Variants in PLD5 observed in about 807,000 individuals in gnomAD.
PLD5 encodes inactive phospholipase D5.
A neutral mutation model predicts 61.1 loss-of-function variants in PLD5; 36 were observed. The ratio of observed to expected loss-of-function variants is 0.59; its 90% confidence interval spans 0.45 to 0.78. The LOEUF (loss-of-function observed/expected upper bound fraction) is 0.78, where lower values mean the gene tolerates loss of function less well. Ranked by LOEUF, PLD5 falls within the 30% of genes least tolerant of loss-of-function variation. PLD5 has a pLI of 0.00. For missense variants in PLD5, 515 were observed against 644.4 expected (o/e 0.80, Z 2.17); for synonymous variants, 243 against 242.8 (o/e 1.00, Z -0.01).
At chr1:242,444,569 C>G (rs923077854) in intron 1 of PLD5, among the ~76,000 whole-genome samples, 9 of 149,058 alleles carry the variant, frequency 6.0e-5, no homozygotes, top group African/African-American at 2.0e-4. Flanking sequence ...CTCTGATCCT[C>G]TAGATCCATC....
intron 4 of PLD5, among the ~76,000 whole-genome samples, chr1:242,232,130 C>T (rs887998546): frequency 6.6e-6 from 1 of 151,934 alleles, no homozygotes; most frequent in Non-Finnish European, 1.5e-5. Context: ...TTTTAAAGCC[C>T]ACCAATCCCT....
chr1:242,101,697 A>G (rs185473057), intron 8 of PLD5, among the ~76,000 whole-genome samples: 16 of 152,312 alleles, frequency 1.1e-4, no homozygotes, highest in Admixed American at 3.9e-4. Context: ...ATACCTAGAA[A>G]AGGAGATGTC....
chr1:242,304,227 A>C (rs1246206187), intron 2 of PLD5, among the ~76,000 whole-genome samples: 1 of 152,246 alleles, frequency 6.6e-6, no homozygotes, highest in African/African-American at 2.4e-5. Context: ...AGTGTCAACT[A>C]TGTGGCCCAG....
intron 5 of PLD5, among the ~76,000 whole-genome samples, chr1:242,134,388 T>C (rs1220481464): frequency 1.2e-5 from 1 of 81,966 alleles, no homozygotes. Context: ...GCCTTCAGTT[T>C]TTTTTTTTTT....
intron 2 of PLD5, among the ~76,000 whole-genome samples, chr1:242,293,391 C>A (rs1019855854): frequency 6.6e-6 from 1 of 152,176 alleles, no homozygotes; most frequent in Admixed American, 6.5e-5. Flanking sequence ...GAAAATATTA[C>A]ATTCAATATG....
chr1:242,253,402 C>G (rs1008724153), intron 4 of PLD5, among the ~76,000 whole-genome samples: 1 of 150,852 alleles, frequency 6.6e-6, no homozygotes, highest in Non-Finnish European at 1.5e-5. Flanking sequence ...AAGCTCTGCC[C>G]CCTGGGGTTC....
intron 4 of PLD5, among the ~76,000 whole-genome samples, chr1:242,230,628 C>T (rs537188082): frequency 3.3e-5 from 5 of 152,278 alleles, no homozygotes; most frequent in Admixed American, 1.3e-4. Context: ...GGGTGAAAAT[C>T]TTCTGTCATG....
chr1:242,161,129 A>G (rs1188474393), intron 5 of PLD5, among the ~76,000 whole-genome samples: 5 of 152,094 alleles, frequency 3.3e-5, no homozygotes, highest in Non-Finnish European at 7.3e-5. Context: ...GTCTGTTCTT[A>G]CGCTGCTAAT....
intron 1 of PLD5, among the ~76,000 whole-genome samples, chr1:242,509,214 T>A (rs1023037190): frequency 2.0e-5 from 3 of 151,654 alleles, no homozygotes; most frequent in African/African-American, 7.3e-5. Flanking sequence ...CCATCTCTAC[T>A]AAAATACAAA....
At chr1:242,460,489 A>G (rs1278446442) in intron 1 of PLD5, among the ~76,000 whole-genome samples, 1 of 152,162 alleles carries the variant, frequency 6.6e-6, no homozygotes, top group African/African-American at 2.4e-5. Flanking sequence ...ATAATTTCTT[A>G]TAGTCCCATG....
chr1:242,159,483 T>C (rs894207043), intron 5 of PLD5, among the ~76,000 whole-genome samples: 1 of 152,196 alleles, frequency 6.6e-6, no homozygotes, highest in South Asian at 2.1e-4. Context: ...GAATTTGTTA[T>C]AGAAAAATCT....
chr1:242,221,981 G>T (rs1051347223), intron 4 of PLD5, among the ~76,000 whole-genome samples: 1 of 152,076 alleles, frequency 6.6e-6, no homozygotes, highest in Non-Finnish European at 1.5e-5. Flanking sequence ...CAAAACCAAG[G>T]TGTCAGCAGG....
At chr1:242,309,910 A>G (rs3001694) in intron 2 of PLD5, among the ~76,000 whole-genome samples, 142,950 of 146,792 alleles carry the variant, frequency 0.97, 69,694 homozygotes, top group Non-Finnish European at 1. Context: ...ACCTGGAGAA[A>G]GTCAAAAAGA....
chr1:242,521,220 G>A (rs758459113), intron 1 of PLD5, among the ~76,000 whole-genome samples: 8 of 152,072 alleles, frequency 5.3e-5, no homozygotes, highest in South Asian at 2.1e-4. Flanking sequence ...CTTAAGTGTC[G>A]ACCATCCAGT....
At chr1:242,512,801 A>G (rs749706556) in intron 1 of PLD5, among the ~76,000 whole-genome samples, 2 of 152,154 alleles carry the variant, frequency 1.3e-5, no homozygotes, top group Non-Finnish European at 2.9e-5. Context: ...GACAATTACA[A>G]CTGTGTGAAT....
intron 1 of PLD5, among the ~76,000 whole-genome samples, chr1:242,420,098 A>C (rs1352705479): frequency 1.3e-5 from 2 of 152,204 alleles, no homozygotes; most frequent in Non-Finnish European, 2.9e-5. Flanking sequence ...AATTGCAAAT[A>C]ATACCATCTC....
chr1:242,450,163 C>A (rs1666724491), intron 1 of PLD5, among the ~76,000 whole-genome samples: 1 of 152,210 alleles, frequency 6.6e-6, no homozygotes, highest in African/African-American at 2.4e-5. Flanking sequence ...AAAAATTTAT[C>A]TCAGAAGAAT....
intron 1 of PLD5, among the ~76,000 whole-genome samples, chr1:242,405,188 C>T (rs1298168031): frequency 1.3e-5 from 2 of 152,072 alleles, no homozygotes; most frequent in African/African-American, 4.8e-5. Context: ...CCATTTGCTA[C>T]CAGAGCAAAT....
chr1:242,366,863 T>A (rs1661371682), intron 1 of PLD5, among the ~76,000 whole-genome samples: 1 of 152,122 alleles, frequency 6.6e-6, no homozygotes, highest in African/African-American at 2.4e-5. Flanking sequence ...GGCTAATAAA[T>A]CAATAATTTT....
Sources: allele counts gnomAD v4.1 joint callset (sites outside exome capture counted in the v4.1 genomes callset), GRCh38; gene constraint gnomAD v4.1.1; transcripts MANE v1.5; gene names NCBI Gene and HGNC (gene_info 2026-07-23, HGNC 2026-07-21).